Variants in CEP192 observed in about 807,000 individuals in gnomAD.
CEP192 encodes the protein centrosomal protein of 192 kDa.
In CEP192, 151 loss-of-function variants were observed where a neutral mutation model predicts 271.8. The ratio of observed to expected loss-of-function variants is 0.56; its 90% CI spans 0.49 to 0.64. The LOEUF is 0.64. Ranked by LOEUF, CEP192 falls within the 30% of genes least tolerant of loss-of-function variation. CEP192 has a pLI of 0.00. For synonymous variants in CEP192, 995 were observed against 1,076.5 expected (o/e 0.92, Z 1.48); for missense variants, 2,910 against 3,020.5 (o/e 0.96, Z 0.86).
In CEP192 at chr18:13,028,329, C is replaced by T. The variant is rs1462753014; in HGVS notation, c.1051-1334C>T. 3.9e-5 allele frequency among the ~76,000 whole-genome samples: 6 copies of T among 152,252 alleles called. No homozygotes were observed. The East Asian group carries it at 9.7e-4, about 25-fold the overall frequency. ...AAGACCTTGTTTCAGAATAATATCGCAATTTATAGTTACCAGGCTTAGGAC... is the reference window on the plus strand; with the variant it reads ...AAGACCTTGTTTCAGAATAATATCGTAATTTATAGTTACCAGGCTTAGGAC... On this transcript the variant is annotated intron_variant, in intron 9 of 44. Coordinates refer to ENST00000506447, the MANE Select transcript of CEP192 (RefSeq NM_032142.4).
chr18:13,034,482 C>T (rs2035804437), intron 11 of CEP192, among the ~76,000 whole-genome samples: 1 of 152,080 alleles, frequency 6.6e-6, no homozygotes, highest in Non-Finnish European at 1.5e-5. Context: ...AATTTGCCTA[C>T]TTATAAACTT....
Position 13,030,662 on chromosome 18 carries a change from T to G in CEP192, c.1534+54T>G, listed in dbSNP as rs1026479384. 10 of 1,406,908 alleles carry G rather than the reference T, an allele frequency of 7.1e-6. No homozygotes were observed. The Middle Eastern group carries it at 5.8e-4, about 82-fold the overall frequency. The allele number at this position is 1,406,908 out of a possible 1,614,324, so 87.2% of individuals were successfully genotyped here. A position where few individuals can be genotyped will look rare whatever the true frequency, so the allele number is the denominator to read the frequency against. ...ACATTTTCACTGTTTCTGATCTTTC[T>G]AAGATTACTGTGTATATGTTGGTCA... On this transcript the variant is annotated intron_variant, in intron 11 of 44. Coordinates refer to ENST00000506447, the MANE Select transcript of CEP192 (RefSeq NM_032142.4).
intron 30 of CEP192, among the ~76,000 whole-genome samples, chr18:13,078,606 CTT>C (rs2038416741): frequency 6.6e-6 from 1 of 152,088 alleles, no homozygotes; most frequent in Non-Finnish European, 1.5e-5. Flanking sequence ...TGTTTCCTGA[CTT>C]TTTAATGATC....
chr18:13,060,214 G>T (rs1208121229), intron 21 of CEP192, among the ~76,000 whole-genome samples: 1 of 152,174 alleles, frequency 6.6e-6, no homozygotes, highest in East Asian at 1.9e-4. Context: ...ATTGTTCCTA[G>T]GCTATGTACC....
chr18:12,992,933 C>T (rs150645568), intron 1 of CEP192, among the ~76,000 whole-genome samples: 172 of 151,980 alleles, frequency 1.1e-3, no homozygotes, highest in Admixed American at 4.0e-3. Flanking sequence ...TGGATTAGGC[C>T]CTTCTAAATA....
At chr18:13,007,381 G>A (rs2034049515) in intron 3 of CEP192, among the ~76,000 whole-genome samples, 1 of 152,084 alleles carries the variant, frequency 6.6e-6, no homozygotes, top group Non-Finnish European at 1.5e-5. Context: ...GAGAGATGGT[G>A]GTGAATGTCG....
At chr18:13,017,958 G>C (rs1272136280) in intron 7 of CEP192, among the ~76,000 whole-genome samples, 1 of 151,970 alleles carries the variant, frequency 6.6e-6, no homozygotes. Context: ...CCTTTGTTTT[G>C]TAGAGTGAAC....
intron 14 of CEP192, 33 bp downstream of exon 14, chr18:13,040,989 C>A: frequency 6.4e-7 from 1 of 1,572,458 alleles, no homozygotes; most frequent in South Asian, 1.2e-5. Context: ...TTTTAGGAAT[C>A]TTTTTTTTCT....
chr18:13,077,460 A>G (rs2038352597), intron 30 of CEP192, among the ~76,000 whole-genome samples: 1 of 152,216 alleles, frequency 6.6e-6, no homozygotes, highest in African/African-American at 2.4e-5. Context: ...TCAACATGTA[A>G]TTAGGAATGA....
chr18:13,124,104 G>A (rs2040797095), intron 44 of CEP192, among the ~76,000 whole-genome samples: 6 of 152,174 alleles, frequency 3.9e-5, no homozygotes, highest in Admixed American at 2.6e-4. Flanking sequence ...AAGTTGCAGT[G>A]AGTCAAGATC....
At chr18:13,109,537 A>G (rs887652573) in intron 40 of CEP192, among the ~76,000 whole-genome samples, 5 of 152,186 alleles carry the variant, frequency 3.3e-5, no homozygotes, top group Non-Finnish European at 7.3e-5. Context: ...CTAAAATAAA[A>G]GTTGAAAAAG....
At chr18:13,070,216 G>A (rs964089806) in intron 27 of CEP192, among the ~76,000 whole-genome samples, 7 of 151,944 alleles carry the variant, frequency 4.6e-5, no homozygotes, top group African/African-American at 9.7e-5. Context: ...CCACTCACAT[G>A]TGCTTCAAAA....
intron 39 of CEP192, chr18:13,103,814 C>T: frequency 1.7e-6 from 1 of 599,946 alleles, no homozygotes; most frequent in Non-Finnish European, 3.1e-6. Context: ...CTTAGCCTCC[C>T]ATGTGGCTGG....
chr18:13,088,924 T>TC (rs1415296162), intron 32 of CEP192: 3 of 447,336 alleles, frequency 6.7e-6, no homozygotes, highest in Non-Finnish European at 1.3e-5. Flanking sequence ...TGTTTTTTTT[T>TC]CTCTCAATTG....
intron 21 of CEP192, among the ~76,000 whole-genome samples, chr18:13,059,669 C>G (rs895411390): frequency 2.6e-5 from 4 of 152,196 alleles, no homozygotes; most frequent in Non-Finnish European, 5.9e-5. Flanking sequence ...TTTCCCTTCT[C>G]TAGTCACCTA....
At chr18:13,029,458 A>G (rs2035491241) in intron 9 of CEP192, among the ~76,000 whole-genome samples, 2 of 152,364 alleles carry the variant, frequency 1.3e-5, no homozygotes, top group Admixed American at 1.3e-4. Flanking sequence ...TGACCACATC[A>G]CAAAGTCTGG....
intron 1 of CEP192, among the ~76,000 whole-genome samples, chr18:12,995,004 A>T (rs1391697999): frequency 6.6e-6 from 1 of 151,850 alleles, no homozygotes; most frequent in Non-Finnish European, 1.5e-5. Context: ...ATGCAAATGA[A>T]AAATCAGGGC....
rs1224192445 is a variant in CEP192, at chr18:13,103,545, A to G, written c.6908A>G (p.Asp2303Gly). Reference protein sequence around the residue: ...CLELENHGTTDVKWHLSSLAP... With the variant: ...CLELENHGTTGVKWHLSSLAP... ...GAACTCGAGAATCATGGCACCACAGACGTGAAATGGCATCTGTCATCTTTA... is the reference window on the plus strand; with the variant it reads ...GAACTCGAGAATCATGGCACCACAGGCGTGAAATGGCATCTGTCATCTTTA... The change falls in exon 39 of 45, where the codon GAC becomes GGC. Residue 2303 changes from aspartate (D) to glycine (G), a missense_variant. Coordinates refer to ENST00000506447, the MANE Select transcript of CEP192 (RefSeq NM_032142.4). The G allele has an allele frequency of 6.2e-7, 1 of 1,613,954 alleles. No individual in the cohort carries two copies. Among genetic ancestry groups the G allele is most frequent in the East Asian group, 2.2e-5 (1 of 44,886 alleles).
At chr18:13,098,108 A>G (rs1253480056) in intron 36 of CEP192, among the ~76,000 whole-genome samples, 1 of 152,126 alleles carries the variant, frequency 6.6e-6, no homozygotes, top group Non-Finnish European at 1.5e-5. Flanking sequence ...CCCCTTTTCT[A>G]TTCCACAAAA....
Sources: allele counts gnomAD v4.1 joint callset (sites outside exome capture counted in the v4.1 genomes callset), GRCh38; gene constraint gnomAD v4.1.1; transcripts MANE v1.5; gene names NCBI Gene and HGNC (gene_info 2026-07-23, HGNC 2026-07-21).